The following MED17 variants were observed in gnomAD, a reference collection of about 807,000 sequenced individuals.
The protein encoded by MED17 is mediator complex subunit 17, also known as mediator of RNA polymerase II transcription subunit 17.
Under a neutral mutation model 80.8 loss-of-function variants are expected in MED17, and 49 were observed. That is an observed-to-expected ratio of 0.61 (90% CI 0.48 to 0.77). The LOEUF (loss-of-function observed/expected upper bound fraction) is 0.77, where lower values mean the gene tolerates loss of function less well. Ranked by LOEUF, MED17 falls within the 30% of genes least tolerant of loss-of-function variation. The pLI, the probability that MED17 is intolerant of heterozygous loss-of-function variation, is 0.00. For missense variants in MED17, 718 were observed against 787.0 expected (o/e 0.91, Z 1.05); for synonymous variants, 281 against 280.4 (o/e 1.00, Z -0.02).
intron 10 of MED17, chr11:93,807,942 A>G (rs746366835): frequency 2.1e-5 from 8 of 387,642 alleles, no homozygotes; most frequent in African/African-American, 8.2e-5. Flanking sequence ...AGGGTTTACA[A>G]CATCTCCAGA....
In MED17 at chr11:93,813,244, C is replaced by G. The variant is rs1944102162; in HGVS notation, c.*1180C>G. Reference sequence around the variant, plus strand: ...TTTTAAAACAGACATCCTGCTTTAACAATTTGTAAGATGACTGTGCAGTAA... The same window carrying G: ...TTTTAAAACAGACATCCTGCTTTAAGAATTTGTAAGATGACTGTGCAGTAA... On this transcript the variant is annotated 3_prime_UTR_variant, in exon 12 of 12. Transcript: ENST00000251871. 6.6e-6 allele frequency: 1 copy of G among 152,178 alleles called. No homozygotes were observed. Among genetic ancestry groups the G allele is most frequent in the South Asian group, 2.1e-4 (1 of 4,830 alleles). The allele number at this position is 152,178 out of a possible 1,614,324, so 9.4% of individuals were successfully genotyped here.
intron 10 of MED17, chr11:93,808,602 G>A (rs1944053299): frequency 7.0e-6 from 1 of 143,334 alleles, no homozygotes; most frequent in African/African-American, 2.6e-5. Context: ...AAAAAAAATA[G>A]TATCTTGCAT....
intron 9 of MED17, among the ~76,000 whole-genome samples, chr11:93,804,030 C>T (rs905403270): frequency 0.18 from 1,324 of 7,184 alleles, 38 homozygotes; most frequent in East Asian, 0.46. Context: ...TATATATACA[C>T]ACACACATAT....
At position 93,812,416 on chromosome 11, in the gene MED17, C is replaced by T. The variant is rs1042973406; in HGVS notation, c.*352C>T. ...TGTGGTTTAAAAAAATCTCCAAATA[C>T]CTTTTTTTCCCCCCAAATACTTTCT... On this transcript the variant is annotated 3_prime_UTR_variant, in exon 12 of 12. Transcript: ENST00000251871. The T allele has an allele frequency of 4.5e-5, 22 of 483,600 alleles. No individual in the cohort carries two copies. Among genetic ancestry groups the T allele is most frequent in the Non-Finnish European group, 7.5e-5 (21 of 279,006 alleles). The allele number at this position is 483,600 out of a possible 1,614,324, so 30.0% of individuals were successfully genotyped here.
intron 8 of MED17, among the ~76,000 whole-genome samples, chr11:93,799,881 T>C (rs1943943754): frequency 6.6e-6 from 1 of 151,974 alleles, no homozygotes; most frequent in Admixed American, 6.6e-5. Flanking sequence ...GTGTGTGTCT[T>C]TAAAGAAAAA....
rs1024063985 is a variant in MED17 at position 93,814,161 on chromosome 11, A to G, written c.*2097A>G. On this transcript the variant is annotated 3_prime_UTR_variant, in exon 12 of 12. Coordinates refer to ENST00000251871, the MANE Select transcript of MED17 (RefSeq NM_004268.5). The stretch of plus-strand genomic sequence containing the variant: ...ACTACCGTCTGTTCTTTTAAACCCC[A>G]TCTGAGTAGAGTGGGATAACTGAAG... The G allele has an allele frequency of 2.0e-5, 3 of 152,160 alleles. No individual in the cohort carries two copies. The highest frequency in any genetic ancestry group is 4.4e-5 in the Non-Finnish European group (3 of 68,036). The allele number at this position is 152,160 out of a possible 1,614,324, so 9.4% of individuals were successfully genotyped here.
In MED17 at chr11:93,790,600, T is replaced by C. The variant is rs1372766653; in HGVS notation, c.444T>C (p.Ser148=). The C allele has an allele frequency of 6.2e-7, 1 of 1,614,126 alleles. No homozygotes were observed. Among genetic ancestry groups the C allele is most frequent in the Admixed American group, 1.7e-5 (1 of 60,012 alleles). The change falls in exon 3 of 12, where the codon TCT becomes TCC. Residue 148 remains serine, a synonymous_variant. Transcript: ENST00000251871. ...KQNPQTLQLI[S]KKKSLAGAAQ... is the part of the protein sequence containing the mutation. ...ATCCTCAGACGTTGCAATTGATATCTAAAAAGAAGTCACTTGCTGGAGCAG... is the reference window on the plus strand; with the variant it reads ...ATCCTCAGACGTTGCAATTGATATCCAAAAAGAAGTCACTTGCTGGAGCAG...
chr11:93,795,186 G>A (rs1050829979), intron 6 of MED17, 126 bp downstream of exon 6: 19 of 1,014,674 alleles, frequency 1.9e-5, no homozygotes, highest in Non-Finnish European at 2.6e-5. Context: ...GCTATCCATA[G>A]TGACAGCCAG....
intron 5 of MED17, chr11:93,794,404 A>T (rs1943878946): frequency 3.7e-6 from 1 of 268,296 alleles, no homozygotes; most frequent in Admixed American, 5.1e-5. Context: ...GGGTTTCTCC[A>T]TGTTGGTCAG....
rs683914 is a variant in MED17, at chr11:93,785,945, A to G, written c.250+1182A>G. Reference sequence around the variant, plus strand: ...ATTCAGCCAGTGAGATCAAGGCTGCAGTGAGCTATGATTGTGCCACCGCAC... The same window carrying G: ...ATTCAGCCAGTGAGATCAAGGCTGCGGTGAGCTATGATTGTGCCACCGCAC... On this transcript the variant is annotated intron_variant, in intron 1 of 11. Transcript: ENST00000251871. Among the ~76,000 whole-genome samples the G allele has an allele frequency of 4.5e-3, 680 of 152,328 alleles. 12 individuals carry two copies. The highest frequency in any genetic ancestry group is 6.3e-3 in the Non-Finnish European group (429 of 68,030).
chr11:93,788,444 G>T, intron 2 of MED17: 1 of 297,154 alleles, frequency 3.4e-6, no homozygotes, highest in South Asian at 3.2e-5. Context: ...CACTTTGGGA[G>T]GCCAAGGCGG....
chr11:93,807,575 TG>T lies in MED17; in HGVS notation c.1526del (p.Gly509GlufsTer3), dbSNP rs1234776484. On this transcript the variant is annotated frameshift_variant, in exon 10 of 12. Transcript: ENST00000251871. LOFTEE classifies it high-confidence loss of function. Reference protein sequence around the residue: ...VEQIRVVHRDGRVITLSYQEQ... With the variant: ...VEQIRVVHRDXRVITLSYQEQ... ...AGCAGATTCGAGTTGTACATAGAGA[TG>T]GAAGAGTAATTACACTGTCTTATCA... The T allele has an allele frequency of 6.2e-7, 1 of 1,613,734 alleles. No individual in the cohort carries two copies. Among genetic ancestry groups the T allele is most frequent in the South Asian group, 1.1e-5 (1 of 91,072 alleles).
Position 93,812,058 on chromosome 11 carries a change from A to G in MED17, c.1950A>G (p.Leu650=), listed in dbSNP as rs1944090745. Residue 650 remains leucine (L), a synonymous_variant, in exon 12 of 12, where the codon CTA becomes CTG. Transcript: ENST00000251871. ...TTATGTCTGCACTTAGCCCTTGTCT[A>G]CTATGATTTTTTCCAGATGTTTCCT... ...ELLMSALSPC[L]L The G allele has an allele frequency of 6.2e-7, 1 of 1,613,816 alleles. No individual in the cohort carries two copies. Among genetic ancestry groups the G allele is most frequent in the South Asian group, 1.1e-5 (1 of 91,082 alleles).
At position 93,796,533 on chromosome 11, in the gene MED17, T is replaced by G. The variant is rs1943903960; in HGVS notation, c.1136T>G (p.Ile379Ser). 4 of 1,614,134 alleles carry G rather than the reference T, an allele frequency of 2.5e-6. No homozygotes were observed. Among genetic ancestry groups the G allele is most frequent in the Non-Finnish European group, 2.5e-6 (3 of 1,179,984 alleles). Residue 379 changes from isoleucine (I) to serine (S), a missense_variant, in exon 7 of 12, where the codon ATT becomes AGT. Ile to Ser is a moderately radical substitution (Grantham distance 142, BLOSUM62 -2). Transcript: ENST00000251871. ...CTAGAGCATAATTTGCATCTACTGATTAGAGAGGTAAGGAAATAAATGTTT... is the reference window on the plus strand; with the variant it reads ...CTAGAGCATAATTTGCATCTACTGAGTAGAGAGGTAAGGAAATAAATGTTT... Reference protein sequence around the residue: ...YVLEHNLHLLIREFHKQTLSS... With the variant: ...YVLEHNLHLLSREFHKQTLSS...
chr11:93,806,835 G>A (rs673869), intron 9 of MED17: 79,661 of 152,082 alleles, frequency 0.52, 23,741 homozygotes, highest in East Asian at 0.75. Context: ...TTTAAAACTG[G>A]GCTTGGCTTG....
intron 8 of MED17, among the ~76,000 whole-genome samples, chr11:93,798,255 G>A (rs1943925720): frequency 6.6e-6 from 1 of 152,140 alleles, no homozygotes; most frequent in Admixed American, 6.5e-5. Flanking sequence ...TCTATGTAAC[G>A]CCAAAGCTCT....
At chr11:93,794,265 C>T (rs910589788) in intron 5 of MED17, 28 of 391,938 alleles carry the variant, frequency 7.1e-5, no homozygotes, top group Non-Finnish European at 7.8e-5. Context: ...AGTGCAATGG[C>T]GCAGTCTCGG....
At chr11:93,804,429 A>G (rs556098676) in intron 9 of MED17, among the ~76,000 whole-genome samples, 2 of 152,278 alleles carry the variant, frequency 1.3e-5, no homozygotes, top group African/African-American at 4.8e-5. Flanking sequence ...TCAAGTTGAC[A>G]GTGTTAACCA....
chr11:93,797,855 C>T (rs751818616), intron 8 of MED17, 136 bp downstream of exon 8: 82 of 753,732 alleles, frequency 1.1e-4, no homozygotes, highest in East Asian at 2.7e-5. Context: ...AGTTTATTTG[C>T]GGTCATAGAC....
Sources: allele counts gnomAD v4.1 joint callset (sites outside exome capture counted in the v4.1 genomes callset), GRCh38; gene constraint gnomAD v4.1.1; transcripts MANE v1.5; gene names NCBI Gene and HGNC (gene_info 2026-07-23, HGNC 2026-07-21).